Variants in KRABD5 observed in about 807,000 individuals in gnomAD.
The protein encoded by KRABD5 is KRAB domain-containing protein 5.
chr16:31,720,623 T>C, the KRABD5 span, among the ~76,000 whole-genome samples: 1 of 152,210 alleles, frequency 6.6e-6, no homozygotes, highest in South Asian at 2.1e-4. Context: ...CCCACTAATA[T>C]ACAACGATTA....
the KRABD5 span, among the ~76,000 whole-genome samples, chr16:31,724,633 A>C: frequency 3.2e-4 from 49 of 151,508 alleles, no homozygotes; most frequent in Non-Finnish European, 5.9e-5. Context: ...CGGAGCTTGC[A>C]GTGAGCCGAG....
the KRABD5 span, among the ~76,000 whole-genome samples, chr16:31,745,793 T>C: frequency 6.6e-6 from 1 of 152,352 alleles, no homozygotes; most frequent in South Asian, 2.1e-4. Context: ...TTTATGAATA[T>C]GGGTGTTCCT....
At chr16:31,721,989 T>G in the KRABD5 span, among the ~76,000 whole-genome samples, 60 of 152,372 alleles carry the variant, frequency 3.9e-4, no homozygotes, top group African/African-American at 1.4e-3. Context: ...ACCTGAGAAT[T>G]ATATACAACT....
chr16:31,742,193 C>CAAA, the KRABD5 span, among the ~76,000 whole-genome samples: 9 of 145,996 alleles, frequency 6.2e-5, no homozygotes, highest in Non-Finnish European at 7.5e-5. Context: ...TTTATTTCCT[C>CAAA]AAAAAAAAAA....
the KRABD5 span, among the ~76,000 whole-genome samples, chr16:31,719,309 A>G: frequency 6.6e-6 from 1 of 152,168 alleles, no homozygotes; most frequent in South Asian, 2.1e-4. Context: ...TATTATTTCT[A>G]TTGATTTTCT....
chr16:31,745,392 A>G, the KRABD5 span, among the ~76,000 whole-genome samples: 1 of 152,284 alleles, frequency 6.6e-6, no homozygotes, highest in East Asian at 1.9e-4. Context: ...GGAATCATGC[A>G]GGAGCAGGTT....
the KRABD5 span, chr16:31,713,551 C>T: frequency 2.8e-6 from 4 of 1,415,916 alleles, no homozygotes; most frequent in East Asian, 2.8e-5. Context: ...GGACGCAACT[C>T]GGCCCTTGGT....
chr16:31,747,679 A>G, the KRABD5 span, among the ~76,000 whole-genome samples: 2 of 152,148 alleles, frequency 1.3e-5, no homozygotes, highest in Non-Finnish European at 2.9e-5. Flanking sequence ...AATGATCGCC[A>G]TTGTAACTGG....
At chr16:31,758,188 T>C in the KRABD5 span, 2 of 152,116 alleles carry the variant, frequency 1.3e-5, no homozygotes, top group African/African-American at 4.8e-5. Flanking sequence ...ATGGGGACTT[T>C]TCAAAGGGAG....
chr16:31,741,314 T>C, the KRABD5 span, among the ~76,000 whole-genome samples: 2 of 152,188 alleles, frequency 1.3e-5, no homozygotes, highest in Non-Finnish European at 2.9e-5. Flanking sequence ...TCATTTTCCA[T>C]TGGGTATATA....
chr16:31,755,746 T>A, the KRABD5 span: 4 of 359,508 alleles, frequency 1.1e-5, no homozygotes, highest in African/African-American at 8.6e-5. Flanking sequence ...AAGAGTTTTA[T>A]CCAAAATTTA....
the KRABD5 span, among the ~76,000 whole-genome samples, chr16:31,727,270 CT>C: frequency 2.0e-5 from 3 of 152,026 alleles, no homozygotes; most frequent in Non-Finnish European, 4.4e-5. Context: ...CCTTTTATTT[CT>C]TTTTTTTACC....
chr16:31,732,990 CAT>C, the KRABD5 span, among the ~76,000 whole-genome samples: 1 of 151,910 alleles, frequency 6.6e-6, no homozygotes, highest in South Asian at 2.1e-4. Flanking sequence ...TTATTGATTC[CAT>C]ATGATTGTGT....
the KRABD5 span, chr16:31,759,411 A>C: frequency 6.5e-7 from 1 of 1,535,260 alleles, no homozygotes; most frequent in East Asian, 2.5e-5. Context: ...CTTGAGAAAA[A>C]GGACCAAAGA....
the KRABD5 span, among the ~76,000 whole-genome samples, chr16:31,734,061 G>A: frequency 3.3e-5 from 5 of 151,982 alleles, no homozygotes; most frequent in Non-Finnish European, 7.4e-5. Flanking sequence ...TAGGTTTTAT[G>A]TTTAAGTTTT....
chr16:31,726,683 C>T, the KRABD5 span, among the ~76,000 whole-genome samples: 2 of 152,142 alleles, frequency 1.3e-5, no homozygotes, highest in African/African-American at 4.8e-5. Flanking sequence ...ATTGCTTGAA[C>T]CCAGGAGCGG....
At chr16:31,755,068 A>G in the KRABD5 span, 1 of 479,768 alleles carries the variant, frequency 2.1e-6, no homozygotes, top group Middle Eastern at 3.2e-4. Context: ...AATGTGGTAA[A>G]TCATTTAAAG....
chr16:31,733,683 T>C, the KRABD5 span: 93 of 454,098 alleles, frequency 2.0e-4, 1 homozygote, highest in Middle Eastern at 1.3e-3. Context: ...TCACCTGACA[T>C]AATGTCCTCA....
At chr16:31,726,475 TG>T in the KRABD5 span, among the ~76,000 whole-genome samples, 1 of 152,104 alleles carries the variant, frequency 6.6e-6, no homozygotes, top group Non-Finnish European at 1.5e-5. Context: ...TATAGAAATT[TG>T]GAGGCCAGAT....
Sources: allele counts gnomAD v4.1 joint callset (sites outside exome capture counted in the v4.1 genomes callset), GRCh38; gene constraint gnomAD v4.1.1; transcripts MANE v1.5; gene names NCBI Gene and HGNC (gene_info 2026-07-23, HGNC 2026-07-21).